OPHN1: variants seen among roughly 807,000 people sequenced by gnomAD.
OPHN1 encodes oligophrenin 1, also known as oligophrenin-1.
A neutral mutation model predicts 60.7 loss-of-function variants in OPHN1; 11 were observed. That is an observed-to-expected ratio of 0.18 (90% CI 0.11 to 0.30). OPHN1 has a LOEUF of 0.30. OPHN1 is among the 10% of genes least tolerant of loss of function. OPHN1 has a pLI of 1.00. For synonymous variants in OPHN1, 226 were observed against 222.6 expected, an observed-to-expected ratio of 1.02 and a Z score of -0.14; for missense variants, 449 against 611.0, an observed-to-expected ratio of 0.73 and a Z score of 2.80.
chrX:68,396,463 C>CTG (rs1270020690), intron 2 of OPHN1, among the ~76,000 whole-genome samples: 1 of 106,806 alleles, frequency 9.4e-6, no homozygotes, highest in Non-Finnish European at 1.9e-5. Flanking sequence ...ATGTCTCTCC[C>CTG]TGTGTTTAGG....
chrX:68,228,740 T>C (rs1479022339), intron 6 of OPHN1, among the ~76,000 whole-genome samples: 1 of 110,735 alleles, frequency 9.0e-6, no homozygotes, highest in Non-Finnish European at 1.9e-5. Flanking sequence ...CTAAACAAAC[T>C]AGGTATTGAT....
intron 5 of OPHN1, among the ~76,000 whole-genome samples, chrX:68,248,135 C>A (rs12014933): frequency 0.077 from 8,509 of 110,863 alleles, 835 homozygotes; most frequent in African/African-American, 0.27. Context: ...GCAGACACCA[C>A]CACCCTGCCA....
At chrX:68,249,029 G>A (rs1039845640) in intron 5 of OPHN1, among the ~76,000 whole-genome samples, 1 of 111,319 alleles carries the variant, frequency 9.0e-6, no homozygotes, top group Non-Finnish European at 1.9e-5. Context: ...ACCTACTATC[G>A]GATAGCAATA....
intron 2 of OPHN1, among the ~76,000 whole-genome samples, chrX:68,342,763 A>G (rs2078359411): frequency 9.1e-6 from 1 of 110,045 alleles, no homozygotes; most frequent in South Asian, 3.9e-4. Flanking sequence ...GCAGCATGGT[A>G]AGATACCATC....
chrX:68,160,796 G>C (rs1337331339), intron 15 of OPHN1, among the ~76,000 whole-genome samples: 1 of 110,863 alleles, frequency 9.0e-6, no homozygotes, highest in African/African-American at 3.3e-5. Flanking sequence ...ATTTAAAGCT[G>C]TAAATGCCTA....
intron 20 of OPHN1, among the ~76,000 whole-genome samples, chrX:68,065,754 C>T (rs938724522): frequency 8.9e-5 from 10 of 111,894 alleles, no homozygotes; most frequent in African/African-American, 3.3e-4. Flanking sequence ...TATTTCAGTG[C>T]CTGGCACATA....
chrX:68,315,028 G>A (rs1242193710), intron 2 of OPHN1, among the ~76,000 whole-genome samples: 1 of 107,338 alleles, frequency 9.3e-6, no homozygotes, highest in Admixed American at 1.0e-4. Context: ...CACAGAGAGA[G>A]AATCAGTCGA....
intron 5 of OPHN1, among the ~76,000 whole-genome samples, chrX:68,255,633 T>C (rs1182878884): frequency 9.1e-6 from 1 of 109,851 alleles, no homozygotes; most frequent in Non-Finnish European, 1.9e-5. Flanking sequence ...CTTCCCTGAG[T>C]CTCCATCTTG....
chrX:68,066,070 C>T (rs184768011), intron 20 of OPHN1, among the ~76,000 whole-genome samples: 65 of 112,373 alleles, frequency 5.8e-4, no homozygotes, highest in Non-Finnish European at 5.6e-5. Flanking sequence ...CAAATAATGG[C>T]ATGAACATGA....
At chrX:68,365,888 T>C (rs2078495922) in intron 2 of OPHN1, among the ~76,000 whole-genome samples, 1 of 105,042 alleles carries the variant, frequency 9.5e-6, no homozygotes, top group African/African-American at 3.5e-5. Context: ...CAAGGTCTCA[T>C]GGCAAGAGAG....
intron 15 of OPHN1, among the ~76,000 whole-genome samples, chrX:68,182,112 G>A (rs926718598): frequency 9.1e-6 from 1 of 110,204 alleles, no homozygotes; most frequent in Non-Finnish European, 1.9e-5. Context: ...CTTAGGCACC[G>A]GAGTGAGGAA....
chrX:68,311,647 G>C (rs1215461384), intron 2 of OPHN1, among the ~76,000 whole-genome samples: 1 of 111,985 alleles, frequency 8.9e-6, no homozygotes, highest in Non-Finnish European at 1.9e-5. Flanking sequence ...TGACCAAGCT[G>C]GTCTCGAGCT....
intron 12 of OPHN1, among the ~76,000 whole-genome samples, chrX:68,195,557 C>T (rs899989678): frequency 1.8e-5 from 2 of 111,815 alleles, no homozygotes; most frequent in African/African-American, 6.5e-5. Flanking sequence ...TTCCTTCAAG[C>T]CCTGATCTTC....
chrX:68,278,874 A>T (rs2078005056), intron 4 of OPHN1, among the ~76,000 whole-genome samples: 2 of 111,122 alleles, frequency 1.8e-5, no homozygotes, highest in African/African-American at 6.5e-5. Context: ...CAACAGAGGG[A>T]GACTCCGTCA....
At chrX:68,106,120 G>A (rs1483539082) in intron 18 of OPHN1, among the ~76,000 whole-genome samples, 2 of 97,801 alleles carry the variant, frequency 2.0e-5, no homozygotes, top group African/African-American at 7.4e-5. Context: ...GAGAGAGAGA[G>A]AGAGATCCGA....
In OPHN1 at chrX:68,202,898, G is replaced by T. The variant is rs1016583006; in HGVS notation, c.934-1188C>A. Among the ~76,000 whole-genome samples, 8 of 111,920 alleles carry T rather than the reference G, an allele frequency of 7.1e-5. No homozygotes were observed. The East Asian group carries it at 2.3e-3, about 32-fold the overall frequency. Reference sequence around the variant, plus strand: ...ACCCAAAGTCATCCAAATTGGTATAGTGGAAATAGCAACACACTAGAAAGT... The same window carrying T: ...ACCCAAAGTCATCCAAATTGGTATATTGGAAATAGCAACACACTAGAAAGT... On this transcript the variant is annotated intron_variant, in intron 10 of 24. Transcript: ENST00000355520.
chrX:68,177,972 T>C (rs1369052519), intron 15 of OPHN1, among the ~76,000 whole-genome samples: 1 of 111,903 alleles, frequency 8.9e-6, no homozygotes, highest in Non-Finnish European at 1.9e-5. Context: ...AGTGTATATG[T>C]TATTTTGTAT....
intron 15 of OPHN1, among the ~76,000 whole-genome samples, chrX:68,175,115 G>T (rs1569233626): frequency 3.6e-5 from 4 of 109,829 alleles, no homozygotes; most frequent in African/African-American, 1.3e-4. Flanking sequence ...CCCAAAACCT[G>T]TAAAATATTC....
intron 2 of OPHN1, among the ~76,000 whole-genome samples, chrX:68,370,619 T>G (rs780757215): frequency 4.5e-5 from 5 of 112,232 alleles, no homozygotes; most frequent in African/African-American, 9.7e-5. Context: ...TTATCGAACT[T>G]TTTGTTTATA....
Sources: allele counts gnomAD v4.1 joint callset (sites outside exome capture counted in the v4.1 genomes callset), GRCh38; gene constraint gnomAD v4.1.1; transcripts MANE v1.5; gene names NCBI Gene and HGNC (gene_info 2026-07-23, HGNC 2026-07-21).